The following MICAL3 variants were observed in gnomAD, a reference collection of about 807,000 sequenced individuals.
MICAL3 encodes microtubule associated monooxygenase, calponin and LIM domain containing 3, also known as [F-actin]-monooxygenase MICAL3.
In MICAL3, 62 loss-of-function variants were observed where a neutral mutation model predicts 207.4. That is an observed-to-expected ratio of 0.30 (90% CI 0.24 to 0.37). The LOEUF is 0.37. MICAL3 is among the 10% of genes least tolerant of loss of function. The pLI is 1.00. For synonymous variants in MICAL3, 1,077 were observed against 1,069.3 expected, an observed-to-expected ratio of 1.01 and a Z score of -0.14; for missense variants, 2,368 against 2,635.6, an observed-to-expected ratio of 0.90 and a Z score of 2.22.
Position 17,831,943 on chromosome 22 carries a change from G to A in MICAL3, c.2966C>T (p.Pro989Leu), listed in dbSNP as rs13057245. 33 of 1,577,322 alleles carry A rather than the reference G, an allele frequency of 2.1e-5. No homozygotes were observed. The highest frequency in any genetic ancestry group is 3.5e-5 in the South Asian group (3 of 86,004). ...EELEASKSFG[P>L]GNEEEEEEEE... Reference sequence around the variant, plus strand: ...CTCCTCCTCCTCCTCTTCATTCCCAGGCCCAAAGCTCTTTGAGGCCTCTAG... The same window carrying A: ...CTCCTCCTCCTCCTCTTCATTCCCAAGCCCAAAGCTCTTTGAGGCCTCTAG... Residue 989 changes from proline (P) to leucine (L), a missense_variant, in exon 21 of 32, where the codon CCT becomes CTT. Transcript: ENST00000441493.
chr22:17,970,896 T>C (rs1206980126), intron 1 of MICAL3, among the ~76,000 whole-genome samples: 1 of 152,166 alleles, frequency 6.6e-6, no homozygotes, highest in African/African-American at 2.4e-5. Context: ...AAAAGTCTTC[T>C]GGAGGCCGGG....
intron 19 of MICAL3, among the ~76,000 whole-genome samples, chr22:17,850,393 T>C (rs912936149): frequency 6.7e-6 from 1 of 148,908 alleles, no homozygotes; most frequent in Non-Finnish European, 1.5e-5. Flanking sequence ...CTTTTGCTTT[T>C]GAATTAGTTT....
chr22:18,011,937 T>C (rs190230075), intron 1 of MICAL3, among the ~76,000 whole-genome samples: 1 of 150,226 alleles, frequency 6.7e-6, no homozygotes, highest in Non-Finnish European at 1.5e-5. Flanking sequence ...AAAAAATTTT[T>C]TAAAAAAGAA....
chr22:17,935,642 A>C (rs1462368498), intron 1 of MICAL3, among the ~76,000 whole-genome samples: 1 of 152,230 alleles, frequency 6.6e-6, no homozygotes, highest in African/African-American at 2.4e-5. Context: ...GTGAACAGGC[A>C]ACCTACAGAA....
At chr22:17,810,255 G>T (rs1044544531) in intron 28 of MICAL3, among the ~76,000 whole-genome samples, 1 of 151,942 alleles carries the variant, frequency 6.6e-6, no homozygotes, top group Admixed American at 6.6e-5. Context: ...GTAGAGACGG[G>T]GGTTTCACCG....
chr22:17,810,210 T>C (rs8138765), intron 28 of MICAL3, among the ~76,000 whole-genome samples: 54,714 of 151,686 alleles, frequency 0.36, 10,083 homozygotes, highest in African/African-American at 0.42. Context: ...CTACAGGCAC[T>C]TGCCACCACG....
chr22:17,967,957 C>T (rs965772961), intron 1 of MICAL3, among the ~76,000 whole-genome samples: 2 of 151,892 alleles, frequency 1.3e-5, no homozygotes, highest in African/African-American at 4.8e-5. Context: ...GCAGGAGAAT[C>T]GCTTGAACCT....
At position 17,902,966 on chromosome 22, in the gene MICAL3, G is replaced by A. The variant is rs989833440; in HGVS notation, c.473-219C>T. Among the ~76,000 whole-genome samples, 1 of 152,154 alleles carries A rather than the reference G, an allele frequency of 6.6e-6. No homozygotes were observed. The highest frequency in any genetic ancestry group is 1.5e-5 in the Non-Finnish European group (1 of 68,028). ...AGAGCTGTTCTAGAGCAACACACAG[G>A]ACACTCCCACGTCTCGGGTTCAGTG... is the stretch of plus-strand genomic sequence containing the variant. On this transcript the variant is annotated intron_variant, in intron 3 of 31. Coordinates refer to ENST00000441493, the MANE Select transcript of MICAL3 (RefSeq NM_015241.3). This position sits in a 1 kb window ranked among gnomAD's most constrained non-coding sequence, Gnocchi z 4.5.
chr22:17,805,489 G>A (rs1008990088), intron 29 of MICAL3, among the ~76,000 whole-genome samples: 7 of 152,196 alleles, frequency 4.6e-5, no homozygotes, highest in Admixed American at 2.6e-4. Context: ...GCATCACAAC[G>A]AAATATCCCA....
At chr22:17,924,023 G>A (rs1049380184) in intron 1 of MICAL3, among the ~76,000 whole-genome samples, 1 of 152,166 alleles carries the variant, frequency 6.6e-6, no homozygotes, top group African/African-American at 2.4e-5. Context: ...AGCACGAAGA[G>A]GGAGAGAAGC....
intron 28 of MICAL3, 63 bp from the exon 29 acceptor site, chr22:17,809,000 C>A: frequency 7.4e-7 from 1 of 1,358,612 alleles, no homozygotes; most frequent in Non-Finnish European, 1.0e-6. Context: ...GGACACACAA[C>A]TCCACACCCA....
intron 1 of MICAL3, among the ~76,000 whole-genome samples, chr22:17,934,071 T>G (rs1411033729): frequency 2.0e-5 from 3 of 152,162 alleles, no homozygotes; most frequent in Non-Finnish European, 4.4e-5. Context: ...CCATTCCTTC[T>G]GAAACTATTC....
chr22:17,966,509 A>G (rs937628654), intron 1 of MICAL3, among the ~76,000 whole-genome samples: 2 of 152,176 alleles, frequency 1.3e-5, no homozygotes, highest in African/African-American at 2.4e-5. Flanking sequence ...TGTTTCTCCA[A>G]TGGAAAATTC....
chr22:17,941,715 G>A (rs1030310992), intron 1 of MICAL3, among the ~76,000 whole-genome samples: 1 of 152,204 alleles, frequency 6.6e-6, no homozygotes, highest in African/African-American at 2.4e-5. Flanking sequence ...TAGCTGTTTG[G>A]TTGACCTTCA....
rs376349779 is a variant in MICAL3 at position 17,864,949 on chromosome 22, T to A, written c.2555A>T (p.Asp852Val). ...CACGGCGTTGGCCCGTCCGTTTGCA[T>A]CTGTGGTGGCGCCATCCTGCAGGGG... The part of the protein sequence containing the change: ...KGPLQDGATT[D>V]ANGRANAVAS... The change falls in exon 19 of 32, where the codon GAT (aspartate) becomes GTT (valine). Residue 852 changes from aspartate to valine, a missense_variant. Coordinates refer to ENST00000441493, the MANE Select transcript of MICAL3 (RefSeq NM_015241.3). 1.9e-6 allele frequency: 3 copies of A among 1,613,022 alleles called. No homozygotes were observed. The highest frequency in any genetic ancestry group is 1.3e-5 in the African/African-American group (1 of 74,862).
chr22:17,894,951 G>C (rs904500456), intron 10 of MICAL3, among the ~76,000 whole-genome samples: 4 of 152,142 alleles, frequency 2.6e-5, no homozygotes, highest in African/African-American at 9.7e-5. Context: ...CACGTGACCG[G>C]CAGCAACAAC....
intron 1 of MICAL3, among the ~76,000 whole-genome samples, chr22:17,956,070 G>A (rs545405865): frequency 6.6e-6 from 1 of 152,314 alleles, no homozygotes; most frequent in East Asian, 1.9e-4. Context: ...GAAATTCCTG[G>A]TCTTATAGGA....
At chr22:17,814,059 T>G (rs934178916) in intron 27 of MICAL3, 1 of 152,356 alleles carries the variant, frequency 6.6e-6, no homozygotes, top group South Asian at 2.1e-4. Context: ...CCCAGGCTCT[T>G]GTTTCACAGA....
chr22:18,001,974 G>A (rs915715195), intron 1 of MICAL3, among the ~76,000 whole-genome samples: 1 of 151,680 alleles, frequency 6.6e-6, no homozygotes, highest in Non-Finnish European at 1.5e-5. Context: ...GAGGCATGCG[G>A]ATCACTTGAG....
Sources: gnomAD v4.1 joint callset for allele counts (sites outside exome capture counted in the v4.1 genomes callset) on GRCh38, gnomAD v4.1.1 for gene constraint, Gnocchi (gnomAD v3.1) non-coding constraint, MANE v1.5 for transcripts, NCBI Gene and HGNC (gene_info 2026-07-23, HGNC 2026-07-21) for gene names.